The following STON1 variants were observed in gnomAD, a reference collection of about 807,000 sequenced individuals.
STON1 encodes the protein stonin 1, also known as stonin-1.
STON1 carries 79 observed loss-of-function variants against 60.9 expected under a neutral mutation model. The observed-to-expected ratio is 1.30, with a 90% confidence interval of 1.08 to 1.56. The LOEUF (loss-of-function observed/expected upper bound fraction) is 1.56. STON1 is among the 40% of genes most tolerant of loss of function. The pLI is 0.00. For missense variants in STON1, 1,166 were observed against 858.9 expected (o/e 1.36, Z -4.47); for synonymous variants, 363 against 306.9 (o/e 1.18, Z -1.91).
At chr2:48,541,699 CAAAAA>C (rs71399061) in intron 1 of STON1, among the ~76,000 whole-genome samples, 24 of 60,682 alleles carry the variant, frequency 4.0e-4, no homozygotes, top group African/African-American at 1.4e-3. Flanking sequence ...AACTTCGTCT[CAAAAA>C]AAAAAAAAAA....
At chr2:48,577,645 C>T (rs1052161401) in intron 1 of STON1, among the ~76,000 whole-genome samples, 6 of 151,476 alleles carry the variant, frequency 4.0e-5, no homozygotes, top group South Asian at 4.2e-4. Context: ...GGAGGAGATT[C>T]ACTCTTGTTG....
chr2:48,582,844 C>T (rs761267994), intron 2 of STON1, among the ~76,000 whole-genome samples: 11 of 152,130 alleles, frequency 7.2e-5, no homozygotes, highest in Non-Finnish European at 8.8e-5. Context: ...AGAGAAAATT[C>T]GTTGATATCC....
rs1444718808 is a variant in STON1, at chr2:48,598,318, C to G, written c.*3016C>G. On this transcript the variant is annotated 3_prime_UTR_variant, in exon 4 of 4. Coordinates refer to ENST00000404752, the MANE Select transcript of STON1 (RefSeq NM_006873.4). The stretch of plus-strand genomic sequence containing the variant: ...TAGTTCCCTTCATTCCAGAGCTATG[C>G]TTGTGATACAGCCCCTTTTCTTATA... 2 of 152,538 alleles carry G rather than the reference C, an allele frequency of 1.3e-5. No homozygotes were observed. Among genetic ancestry groups the G allele is most frequent in the Admixed American group, 6.5e-5 (1 of 15,284 alleles). 9.4% of individuals were successfully genotyped at this position (152,538 alleles called of 1,614,324 possible).
chr2:48,549,424 C>T (rs1671998690), intron 1 of STON1, among the ~76,000 whole-genome samples: 1 of 152,054 alleles, frequency 6.6e-6, no homozygotes, highest in African/African-American at 2.4e-5. Context: ...CTTCAGAAAA[C>T]CAGGGAAAGG....
intron 1 of STON1, among the ~76,000 whole-genome samples, chr2:48,538,741 G>T (rs1257124269): frequency 6.8e-6 from 1 of 147,712 alleles, no homozygotes; most frequent in East Asian, 2.0e-4. Flanking sequence ...GGGATTACAG[G>T]TGTGCGCCAC....
At chr2:48,590,329 T>C (rs1245035221) in intron 2 of STON1, among the ~76,000 whole-genome samples, 1 of 152,214 alleles carries the variant, frequency 6.6e-6, no homozygotes, top group Non-Finnish European at 1.5e-5. Flanking sequence ...TAGAATTCTA[T>C]TAGTCACTCT....
intron 1 of STON1, among the ~76,000 whole-genome samples, chr2:48,569,684 C>T (rs1243052772): frequency 6.6e-6 from 1 of 152,128 alleles, no homozygotes; most frequent in Non-Finnish European, 1.5e-5. Flanking sequence ...TCTTCAAATT[C>T]CTTTTTGTGA....
chr2:48,593,374 C>T (rs939723883), intron 3 of STON1, among the ~76,000 whole-genome samples: 1 of 152,142 alleles, frequency 6.6e-6, no homozygotes, highest in African/African-American at 2.4e-5. Context: ...CTCGGCCTCC[C>T]AAAGTGCTGG....
At chr2:48,560,668 G>A (rs1672571500) in intron 1 of STON1, among the ~76,000 whole-genome samples, 1 of 152,160 alleles carries the variant, frequency 6.6e-6, no homozygotes, top group African/African-American at 2.4e-5. Context: ...CGTTGCTAGG[G>A]CTGCCAGAAA....
intron 1 of STON1, among the ~76,000 whole-genome samples, chr2:48,553,796 C>G (rs1672199693): frequency 2.0e-5 from 3 of 152,102 alleles, no homozygotes; most frequent in African/African-American, 7.2e-5. Flanking sequence ...CCTTAGACCC[C>G]TTCTTAGGAG....
intron 1 of STON1, among the ~76,000 whole-genome samples, chr2:48,575,075 G>C (rs1251192745): frequency 6.6e-6 from 1 of 152,184 alleles, no homozygotes; most frequent in Non-Finnish European, 1.5e-5. Context: ...GTATGAGTTA[G>C]ACTACTTTAC....
intron 1 of STON1, among the ~76,000 whole-genome samples, chr2:48,579,118 C>G (rs1015622372): frequency 9.2e-5 from 14 of 151,986 alleles, no homozygotes; most frequent in African/African-American, 3.4e-4. Flanking sequence ...ATTTTCCTGC[C>G]TCAGCCTCCT....
chr2:48,579,828 T>A (rs1339342901), intron 1 of STON1, among the ~76,000 whole-genome samples: 2 of 152,210 alleles, frequency 1.3e-5, no homozygotes, highest in Non-Finnish European at 2.9e-5. Flanking sequence ...CTCCAATTAT[T>A]AGTGGGTGGC....
At position 48,595,818 on chromosome 2, in the gene STON1, G is replaced by A. The variant is rs1674761748; in HGVS notation, c.*516G>A. The stretch of plus-strand genomic sequence containing the variant: ...CACAGGCTAAAATGTAGATCTGGAA[G>A]TATCTGTGCTTTTGAATTACTTATT... On this transcript the variant is annotated 3_prime_UTR_variant, in exon 4 of 4. Transcript: ENST00000404752. 1 of 153,398 alleles carries A rather than the reference G, an allele frequency of 6.5e-6. No individual in the cohort carries two copies. The highest frequency in any genetic ancestry group is 6.5e-5 in the Admixed American group (1 of 15,314). The allele number at this position is 153,398 out of a possible 1,614,324, so 9.5% of individuals were successfully genotyped here.
chr2:48,551,829 A>G (rs17037368), intron 1 of STON1, among the ~76,000 whole-genome samples: 2,130 of 152,332 alleles, frequency 0.014, 22 homozygotes, highest in African/African-American at 0.027. Context: ...ATAAGATCCT[A>G]TCATCCCCTG....
intron 1 of STON1, among the ~76,000 whole-genome samples, chr2:48,542,671 G>A (rs769445634): frequency 6.6e-5 from 10 of 152,270 alleles, no homozygotes; most frequent in Non-Finnish European, 8.8e-5. Context: ...TTGGGAGGCC[G>A]AGGTGGGTGG....
At chr2:48,537,635 G>A (rs971393919) in intron 1 of STON1, among the ~76,000 whole-genome samples, 5 of 151,992 alleles carry the variant, frequency 3.3e-5, no homozygotes, top group Non-Finnish European at 7.4e-5. Context: ...GATCAACTGA[G>A]GTCAGGAGTT....
intron 2 of STON1, among the ~76,000 whole-genome samples, chr2:48,583,341 G>A (rs1344241081): frequency 6.6e-6 from 1 of 152,050 alleles, no homozygotes; most frequent in Admixed American, 6.5e-5. Context: ...CTCCCACATT[G>A]GCCTCCCAAA....
intron 1 of STON1, among the ~76,000 whole-genome samples, chr2:48,555,314 G>C (rs1384156413): frequency 7.5e-5 from 3 of 39,842 alleles, no homozygotes; most frequent in Non-Finnish European, 1.1e-4. Context: ...TGGCCGGGCG[G>C]GGGGGGCTGA....
Sources: allele counts gnomAD v4.1 joint callset (sites outside exome capture counted in the v4.1 genomes callset), GRCh38; gene constraint gnomAD v4.1.1; transcripts MANE v1.5; gene names NCBI Gene and HGNC (gene_info 2026-07-23, HGNC 2026-07-21).